APBB1IP: variants seen among roughly 807,000 people sequenced by gnomAD.
APBB1IP encodes amyloid beta precursor protein binding family B member 1 interacting protein.
In APBB1IP, 27 loss-of-function variants were observed where a neutral mutation model predicts 64.9. The observed-to-expected ratio is 0.42, with a 90% CI of 0.31 to 0.57. APBB1IP has a LOEUF of 0.57. Among genes scored for constraint, APBB1IP ranks in the 20% least tolerant of loss-of-function variants. APBB1IP has a pLI of 0.20. For missense variants in APBB1IP, 812 were observed against 845.5 expected (o/e 0.96, Z 0.49); for synonymous variants, 392 against 331.0 (o/e 1.18, Z -2.00).
chr10:26,529,863 A>G (rs1445792630), intron 8 of APBB1IP, among the ~76,000 whole-genome samples: 1 of 152,162 alleles, frequency 6.6e-6, no homozygotes, highest in Non-Finnish European at 1.5e-5. Flanking sequence ...CTGGTCTCGA[A>G]CTGCTGACCT....
At chr10:26,518,242 C>T (rs748933838) in intron 8 of APBB1IP, among the ~76,000 whole-genome samples, 2 of 144,680 alleles carry the variant, frequency 1.4e-5, no homozygotes, top group Admixed American at 7.1e-5. Flanking sequence ...CATGAGCCAC[C>T]GCGCCCAGCC....
In APBB1IP at chr10:26,536,207, G is replaced by T; in HGVS notation, c.1034G>T (p.Gly345Val). The change falls in exon 10 of 15, where the codon GGA (glycine) becomes GTA (valine). Residue 345 changes from glycine (G) to valine (V), a missense_variant. Coordinates refer to ENST00000376236, the MANE Select transcript of APBB1IP (RefSeq NM_019043.4). ...TCTGGAATTTATTATGTACCCAAAGGAAAGACTAAGGTCAGAAAAAAAAAA... is the reference window on the plus strand; with the variant it reads ...TCTGGAATTTATTATGTACCCAAAGTAAAGACTAAGGTCAGAAAAAAAAAA... ...RASGIYYVPK[G>V]KTKTSRDLAC... 1.4e-6 allele frequency: 2 copies of T among 1,444,422 alleles called. No homozygotes were observed. The highest frequency in any genetic ancestry group is 9.1e-7 in the Non-Finnish European group (1 of 1,100,346). 89.5% of individuals were successfully genotyped at this position (1,444,422 alleles called of 1,614,324 possible). A position where few individuals can be genotyped will look rare whatever the true frequency, so the allele number is the denominator to read the frequency against.
At chr10:26,562,977 A>G (rs1299347250) in intron 14 of APBB1IP, among the ~76,000 whole-genome samples, 1 of 152,074 alleles carries the variant, frequency 6.6e-6, no homozygotes, top group East Asian at 1.9e-4. Flanking sequence ...TTTCCTTTAA[A>G]CTCTGGAGTT....
intron 6 of APBB1IP, among the ~76,000 whole-genome samples, chr10:26,506,672 C>G (rs547180259): frequency 6.6e-6 from 1 of 152,056 alleles, no homozygotes; most frequent in Non-Finnish European, 1.5e-5. Context: ...TGCCCGTATC[C>G]CCTCCCCACC....
Position 26,513,070 on chromosome 10 carries a change from G to A in APBB1IP, c.692-469G>A, listed in dbSNP as rs75652046. 4.3e-4 allele frequency among the ~76,000 whole-genome samples: 65 copies of A among 152,236 alleles called. No individual in the cohort carries two copies. In the East Asian group the frequency reaches 7.1e-3, roughly 17 times the overall value. ...GTCATTGACTGATTGTCCACCTCACGTAGAATGTTTGCCACCATCTGGGAC... is the reference window on the plus strand; with the variant it reads ...GTCATTGACTGATTGTCCACCTCACATAGAATGTTTGCCACCATCTGGGAC... On this transcript the variant is annotated intron_variant, in intron 7 of 14. Coordinates refer to ENST00000376236, the MANE Select transcript of APBB1IP (RefSeq NM_019043.4).
intron 8 of APBB1IP, among the ~76,000 whole-genome samples, chr10:26,521,135 T>C (rs1010632475): frequency 2.6e-5 from 4 of 152,196 alleles, no homozygotes; most frequent in African/African-American, 9.7e-5. Context: ...AAGTAACTTA[T>C]CAGCTTTTTG....
rs1308288768 is a variant in APBB1IP, at chr10:26,438,401, A to C, written c.-257A>C. 2.0e-5 allele frequency: 3 copies of C among 152,178 alleles called. No homozygotes were observed. The highest frequency in any genetic ancestry group is 7.2e-5 in the African/African-American group (3 of 41,426). 9.4% of individuals were successfully genotyped at this position (152,178 alleles called of 1,614,324 possible). A position where few individuals can be genotyped will look rare whatever the true frequency, so the allele number is the denominator to read the frequency against. The stretch of plus-strand genomic sequence containing the variant: ...TTAGTCCCTCTTGCGTCGAGGCTGC[A>C]AAATGGTTCCATTCGCCAGGAGACG... On this transcript the variant is annotated 5_prime_UTR_variant, in exon 1 of 15. Coordinates refer to ENST00000376236, the MANE Select transcript of APBB1IP (RefSeq NM_019043.4).
At chr10:26,483,921 TTC>T (rs1284609355) in intron 2 of APBB1IP, among the ~76,000 whole-genome samples, 2 of 152,132 alleles carry the variant, frequency 1.3e-5, no homozygotes, top group Non-Finnish European at 2.9e-5. Flanking sequence ...CTCACAAATA[TTC>T]TGTTTTGTCT....
chr10:26,561,071 T>C (rs922668604), intron 13 of APBB1IP, among the ~76,000 whole-genome samples: 1 of 121,616 alleles, frequency 8.2e-6, no homozygotes, highest in African/African-American at 3.2e-5. Context: ...TTTCTTTTTT[T>C]TTTTTTTTTT....
chr10:26,546,039 T>A (rs1328778559), intron 11 of APBB1IP, among the ~76,000 whole-genome samples: 1 of 152,198 alleles, frequency 6.6e-6, no homozygotes, highest in Non-Finnish European at 1.5e-5. Context: ...TGACTATGGC[T>A]GTTCATGAAA....
At chr10:26,446,613 T>C (rs1470297524) in intron 2 of APBB1IP, among the ~76,000 whole-genome samples, 1 of 152,190 alleles carries the variant, frequency 6.6e-6, no homozygotes, top group Non-Finnish European at 1.5e-5. Flanking sequence ...CAGACTCTGC[T>C]CAATGTAATA....
chr10:26,520,037 T>C (rs1044368784), intron 8 of APBB1IP, among the ~76,000 whole-genome samples: 1 of 152,208 alleles, frequency 6.6e-6, no homozygotes, highest in African/African-American at 2.4e-5. Flanking sequence ...TAATTCCAGA[T>C]GCTTAATTAG....
chr10:26,483,430 G>T (rs1333054643), intron 2 of APBB1IP, among the ~76,000 whole-genome samples: 1 of 152,250 alleles, frequency 6.6e-6, no homozygotes, highest in East Asian at 1.9e-4. Context: ...TGCACGTAAC[G>T]CACCAGGACA....
At position 26,501,081 on chromosome 10, in the gene APBB1IP, GCCA is replaced by G. The variant is rs1564362102; in HGVS notation, c.432_434del (p.Pro146del). 1 of 1,614,144 alleles carries G rather than the reference GCCA, an allele frequency of 6.2e-7. No homozygotes were observed. Among genetic ancestry groups the G allele is most frequent in the South Asian group, 1.1e-5 (1 of 91,082 alleles). On this transcript the variant is annotated inframe_deletion, in exon 5 of 15. Transcript: ENST00000376236. ...CCGATCCTGTGTTAGACCTTCCACTGCCACCACCACCTCCTGAACCTCTCTCTC... is the reference window on the plus strand; with the variant it reads ...CCGATCCTGTGTTAGACCTTCCACTGCCACCACCTCCTGAACCTCTCTCTC...
chr10:26,470,758 A>C (rs1006071082), intron 2 of APBB1IP, among the ~76,000 whole-genome samples: 1 of 152,152 alleles, frequency 6.6e-6, no homozygotes, highest in Admixed American at 6.5e-5. Flanking sequence ...TATGCCACGC[A>C]ATAGTCAACG....
At chr10:26,459,403 G>T (rs1416951518) in intron 2 of APBB1IP, among the ~76,000 whole-genome samples, 1 of 152,082 alleles carries the variant, frequency 6.6e-6, no homozygotes, top group Non-Finnish European at 1.5e-5. Flanking sequence ...AAACATACGT[G>T]TCATGTGTCT....
At chr10:26,553,626 C>G (rs1288287817) in intron 11 of APBB1IP, among the ~76,000 whole-genome samples, 1 of 152,134 alleles carries the variant, frequency 6.6e-6, no homozygotes, top group Non-Finnish European at 1.5e-5. Flanking sequence ...CCACTGCACT[C>G]CAGCCTGGGC....
chr10:26,516,667 C>A (rs966130775), intron 8 of APBB1IP, among the ~76,000 whole-genome samples: 1 of 151,804 alleles, frequency 6.6e-6, no homozygotes, highest in African/African-American at 2.4e-5. Context: ...GTATTCCTCT[C>A]GCACTCAGTA....
intron 11 of APBB1IP, among the ~76,000 whole-genome samples, chr10:26,549,382 A>G (rs1160053257): frequency 1.3e-5 from 2 of 152,188 alleles, no homozygotes; most frequent in Non-Finnish European, 2.9e-5. Flanking sequence ...ATTTTCTGAA[A>G]TAGTTTGTGA....
Sources: gnomAD v4.1 joint callset for allele counts (sites outside exome capture counted in the v4.1 genomes callset) on GRCh38, gnomAD v4.1.1 for gene constraint, MANE v1.5 for transcripts, NCBI Gene and HGNC (gene_info 2026-07-23, HGNC 2026-07-21) for gene names.